Variants in JPH2 observed in about 807,000 individuals in gnomAD.
The protein encoded by JPH2 is junctophilin-2.
Under a neutral mutation model 55.9 loss-of-function variants are expected in JPH2, and 38 were observed. The ratio of observed to expected loss-of-function variants is 0.68; its 90% CI spans 0.52 to 0.89. The LOEUF (loss-of-function observed/expected upper bound fraction) is 0.89. Among genes scored for constraint, JPH2 ranks in the 40% least tolerant of loss-of-function variants. The pLI, the probability that JPH2 is intolerant of heterozygous loss-of-function variation, is 0.00. For synonymous variants in JPH2, 480 were observed against 472.4 expected (o/e 1.02, Z -0.21); for missense variants, 964 against 1,037.6 (o/e 0.93, Z 0.97).
rs2145835859 is a variant in JPH2, at chr20:44,113,175, C to G, written c.*343G>C. On this transcript the variant is annotated 3_prime_UTR_variant, in exon 6 of 6. Coordinates refer to ENST00000372980, the MANE Select transcript of JPH2 (RefSeq NM_020433.5). Reference sequence around the variant, plus strand: ...GACATCTCCCAAAACACACAAAAGCCCAGGGAGGGGACAACCTAGGGAAAG... The same window carrying G: ...GACATCTCCCAAAACACACAAAAGCGCAGGGAGGGGACAACCTAGGGAAAG... 1 of 152,558 alleles carries G rather than the reference C, an allele frequency of 6.6e-6. No homozygotes were observed. Among genetic ancestry groups the G allele is most frequent in the Non-Finnish European group, 1.5e-5 (1 of 68,196 alleles). 9.5% of individuals were successfully genotyped at this position (152,558 alleles called of 1,614,324 possible).
At chr20:44,156,981 G>A (rs1379724879) in intron 2 of JPH2, among the ~76,000 whole-genome samples, 1 of 152,252 alleles carries the variant, frequency 6.6e-6, no homozygotes, top group South Asian at 2.1e-4. Flanking sequence ...CAGAAAGCTA[G>A]AGGCTGATGC....
Position 44,159,599 on chromosome 20 carries a change from AC to A in JPH2, c.1169+18del. The A allele has an allele frequency of 6.3e-7, 1 of 1,593,312 alleles. No homozygotes were observed. The highest frequency in any genetic ancestry group is 8.5e-7 in the Non-Finnish European group (1 of 1,176,636). ...CTCCGAGGGGAGGCGACCCCTTCCC[AC>A]CCCCACCGCTGTCCTACCTGGAGGC... On this transcript the variant is annotated intron_variant, in intron 2 of 5. Transcript: ENST00000372980. This position sits in a 1 kb window ranked among gnomAD's most constrained non-coding sequence, Gnocchi z 5.7.
chr20:44,149,100 A>G (rs1173432441), intron 2 of JPH2, among the ~76,000 whole-genome samples: 2 of 151,808 alleles, frequency 1.3e-5, no homozygotes, highest in South Asian at 2.1e-4. Flanking sequence ...TCCAATTAAA[A>G]AAAAAAAAGA....
chr20:44,140,543 C>T (rs1355581291), intron 2 of JPH2, among the ~76,000 whole-genome samples: 1 of 152,174 alleles, frequency 6.6e-6, no homozygotes, highest in African/African-American at 2.4e-5. Context: ...AAAAGCACTT[C>T]AGCAGCAATG....
intron 2 of JPH2, among the ~76,000 whole-genome samples, chr20:44,119,755 T>A (rs2072221099): frequency 1.3e-5 from 2 of 151,544 alleles, no homozygotes; most frequent in Admixed American, 1.3e-4. Flanking sequence ...GCGCCTGTAG[T>A]CCCAGGTACT....
chr20:44,173,218 A>G (rs1163712636), intron 1 of JPH2, among the ~76,000 whole-genome samples: 1 of 151,746 alleles, frequency 6.6e-6, no homozygotes, highest in Non-Finnish European at 1.5e-5. Flanking sequence ...AGAACTTGTA[A>G]CCTCCCCAGC....
In JPH2 at chr20:44,115,950, C is replaced by T. The variant is rs1395732861; in HGVS notation, c.1725G>A (p.Pro575=). Reference sequence around the variant, plus strand: ...GGTCCTCAAAGGGTGGGGGCTCGGGCGGCGTGGTGCGCACAGCATAGCTGT... The same window carrying T: ...GGTCCTCAAAGGGTGGGGGCTCGGGTGGCGTGGTGCGCACAGCATAGCTGT... ...GYHSYAVRTT[P]PEPPPFEDQP... Residue 575 remains proline (P), a synonymous_variant, in exon 4 of 6, where the codon CCG becomes CCA. Transcript: ENST00000372980. 2 of 1,568,688 alleles carry T rather than the reference C, an allele frequency of 1.3e-6. No homozygotes were observed. The highest frequency in any genetic ancestry group is 8.6e-7 in the Non-Finnish European group (1 of 1,164,342).
At chr20:44,122,589 G>A (rs1200804321) in intron 2 of JPH2, among the ~76,000 whole-genome samples, 2 of 152,052 alleles carry the variant, frequency 1.3e-5, no homozygotes, top group South Asian at 2.1e-4. Context: ...TAGGACCTTG[G>A]GTGCATGCAT....
chr20:44,170,123 T>C (rs1333854309), intron 1 of JPH2, among the ~76,000 whole-genome samples: 1 of 152,200 alleles, frequency 6.6e-6, no homozygotes, highest in Non-Finnish European at 1.5e-5. Flanking sequence ...GACTAGCTCC[T>C]TTCTAGGAGT....
chr20:44,127,715 C>T lies in JPH2; in HGVS notation c.1170-9092G>A, dbSNP rs552148437. Among the ~76,000 whole-genome samples, 63 of 152,140 alleles carry T rather than the reference C, an allele frequency of 4.1e-4. No individual in the cohort carries two copies. The Middle Eastern group carries it at 0.014, about 33-fold the overall frequency. Reference sequence around the variant, plus strand: ...CATGTTAGCCAGGATGGTCTCATCTCCTGACCTCGTGATCCACCCGCCTCA... The same window carrying T: ...CATGTTAGCCAGGATGGTCTCATCTTCTGACCTCGTGATCCACCCGCCTCA... On this transcript the variant is annotated intron_variant, in intron 2 of 5. Transcript: ENST00000372980.
chr20:44,177,703 A>G (rs1352609271), intron 1 of JPH2: 2 of 1,319,242 alleles, frequency 1.5e-6, no homozygotes, highest in Non-Finnish European at 9.7e-7. Context: ...TTCCATCTAC[A>G]CTGGCAGGAC....
intron 1 of JPH2, among the ~76,000 whole-genome samples, chr20:44,173,810 A>G (rs2072714586): frequency 6.6e-6 from 1 of 152,168 alleles, no homozygotes; most frequent in Non-Finnish European, 1.5e-5. Flanking sequence ...GCTACTCAGG[A>G]GGCTGAGGCA....
At chr20:44,141,663 T>C (rs2072457514) in intron 2 of JPH2, among the ~76,000 whole-genome samples, 1 of 149,064 alleles carries the variant, frequency 6.7e-6, no homozygotes, top group Non-Finnish European at 1.5e-5. Context: ...GCCTAGCTAA[T>C]ATTTTTATTT....
chr20:44,145,603 C>CAA (rs200580349), intron 2 of JPH2, among the ~76,000 whole-genome samples: 3 of 118,014 alleles, frequency 2.5e-5, no homozygotes, highest in Non-Finnish European at 1.8e-5. Context: ...AACTCGATCT[C>CAA]AAAAAAAAAA....
At chr20:44,173,836 C>T (rs1467856633) in intron 1 of JPH2, among the ~76,000 whole-genome samples, 1 of 152,128 alleles carries the variant, frequency 6.6e-6, no homozygotes, top group Non-Finnish European at 1.5e-5. Context: ...TTGCTTGAAC[C>T]CAGGAGACGG....
intron 2 of JPH2, among the ~76,000 whole-genome samples, chr20:44,130,580 C>A (rs959455647): frequency 6.6e-6 from 1 of 152,240 alleles, no homozygotes; most frequent in Non-Finnish European, 1.5e-5. Context: ...GAGTAGTGGA[C>A]CCTGCAGTTC....
At chr20:44,153,441 G>A (rs2072544736) in intron 2 of JPH2, among the ~76,000 whole-genome samples, 1 of 152,188 alleles carries the variant, frequency 6.6e-6, no homozygotes, top group Non-Finnish European at 1.5e-5. Flanking sequence ...GACTACATAG[G>A]TTCCTGCTCA....
rs566565844 is a variant in JPH2, at chr20:44,149,847, G to A, written c.1169+9771C>T. ...ACAAAAATTAGCTAGGAGTGGCGGC[G>A]CATGCCTGTAATTCCAACTACTGGG... is the stretch of plus-strand genomic sequence containing the variant. On this transcript the variant is annotated intron_variant, in intron 2 of 5. Coordinates refer to ENST00000372980, the MANE Select transcript of JPH2 (RefSeq NM_020433.5). Among the ~76,000 whole-genome samples, 716 of 152,018 alleles carry A rather than the reference G, an allele frequency of 4.7e-3. 5 individuals carry two copies. Among genetic ancestry groups the A allele is most frequent in the Non-Finnish European group, 6.1e-3 (412 of 67,970 alleles).
intron 2 of JPH2, among the ~76,000 whole-genome samples, chr20:44,138,867 T>C (rs2072436044): frequency 6.6e-6 from 1 of 152,206 alleles, no homozygotes; most frequent in Admixed American, 6.5e-5. Flanking sequence ...TAAAATGTTT[T>C]TTAAATAGTA....
Sources: allele counts gnomAD v4.1 joint callset (sites outside exome capture counted in the v4.1 genomes callset), GRCh38; gene constraint gnomAD v4.1.1; non-coding constraint Gnocchi (gnomAD v3.1); transcripts MANE v1.5; gene names NCBI Gene and HGNC (gene_info 2026-07-23, HGNC 2026-07-21).